PHACTR2: variants seen among roughly 807,000 people sequenced by gnomAD.
PHACTR2 encodes the protein chromosome 6 open reading frame 56.
Under a neutral mutation model 76.0 loss-of-function variants are expected in PHACTR2, and 30 were observed. The ratio of observed to expected loss-of-function variants is 0.39; its 90% CI spans 0.30 to 0.54. PHACTR2 has a LOEUF of 0.54. PHACTR2 is among the 20% of genes least tolerant of loss of function. The pLI is 0.61. For synonymous variants in PHACTR2, 292 were observed against 292.5 expected, an observed-to-expected ratio of 1.00 and a Z score of 0.02; for missense variants, 696 against 781.1, an observed-to-expected ratio of 0.89 and a Z score of 1.30.
intron 2 of PHACTR2, among the ~76,000 whole-genome samples, chr6:143,717,852 A>G (rs968466777): frequency 2.0e-5 from 3 of 152,202 alleles, no homozygotes; most frequent in Non-Finnish European, 2.9e-5. Flanking sequence ...GATTACAGGC[A>G]TGAACCATCA....
chr6:143,769,388 T>A (rs1279219091), intron 6 of PHACTR2, among the ~76,000 whole-genome samples: 2 of 152,126 alleles, frequency 1.3e-5, no homozygotes, highest in African/African-American at 4.8e-5. Flanking sequence ...AAGTCATGAG[T>A]TGATTAATAC....
In PHACTR2 at chr6:143,556,678, T is replaced by G. The variant is rs1775178843; in HGVS notation, c.217+19471T>G. 6.6e-6 allele frequency among the ~76,000 whole-genome samples: 1 copy of G among 152,130 alleles called. No homozygotes were observed. Among genetic ancestry groups the G allele is most frequent in the African/African-American group, 2.4e-5 (1 of 41,416 alleles). ...TGAAGCTTTCAGCTGCTATCAGATTTGAACCTCTCAGCTCACAGGGTGCTA... is the reference window on the plus strand; with the variant it reads ...TGAAGCTTTCAGCTGCTATCAGATTGGAACCTCTCAGCTCACAGGGTGCTA... On this transcript the variant is annotated intron_variant, in intron 1 of 11. Transcript: ENST00000367584. The surrounding 1 kb of genome is among the most constrained non-coding windows in gnomAD (Gnocchi z 4.3).
At chr6:143,717,022 G>A (rs1778319083) in intron 2 of PHACTR2, among the ~76,000 whole-genome samples, 1 of 152,126 alleles carries the variant, frequency 6.6e-6, no homozygotes, top group African/African-American at 2.4e-5. Context: ...AAGTGTGACT[G>A]GGTCTGCATT....
In PHACTR2 at chr6:143,733,643, A is replaced by G. The variant is rs142895785; in HGVS notation, c.215-15342A>G. ...AACAGACTAAATGAATATTTTACCA[A>G]TTTAGTGGGTAGGGTGGGGAGCTAT... On this transcript the variant is annotated intron_variant, in intron 2 of 12. Transcript: ENST00000440869. This position sits in a 1 kb window ranked among gnomAD's most constrained non-coding sequence, Gnocchi z 4.0. Among the ~76,000 whole-genome samples, 785 of 152,270 alleles carry G rather than the reference A, an allele frequency of 5.2e-3. 4 individuals are homozygous for G. The highest frequency in any genetic ancestry group is 7.0e-3 in the Non-Finnish European group (479 of 68,026).
At chr6:143,736,594 A>G (rs1778825878) in intron 2 of PHACTR2, among the ~76,000 whole-genome samples, 1 of 54,820 alleles carries the variant, frequency 1.8e-5, no homozygotes, top group African/African-American at 8.0e-5. Flanking sequence ...TTTTTTTTTG[A>G]GACGGAGCCT....
rs1341012601 is a variant in PHACTR2, at chr6:143,688,624, T to G, written c.46+10415T>G. 1.3e-5 allele frequency among the ~76,000 whole-genome samples: 2 copies of G among 152,198 alleles called. No homozygotes were observed. The highest frequency in any genetic ancestry group is 2.9e-5 in the Non-Finnish European group (2 of 68,020). ...ATTCTAGCCCAAGATCTAGGAGTTA[T>G]TCTTAAGTTTTCCTTTCCCCCTCCA... is the stretch of plus-strand genomic sequence containing the variant. On this transcript the variant is annotated intron_variant, in intron 1 of 12. Transcript: ENST00000440869. The surrounding 1 kb of genome is among the most constrained non-coding windows in gnomAD (Gnocchi z 5.2).
chr6:143,772,513 C>A lies in PHACTR2; in HGVS notation c.1432+56C>A. ...CGTGGGTGATAAGCAGAAGCAGCTG[C>A]AGTTTATAAAGAATAAAAGCCTCAT... On this transcript the variant is annotated intron_variant, in intron 7 of 12. Coordinates refer to ENST00000440869, the MANE Select transcript of PHACTR2 (RefSeq NM_001100164.2). This position sits in a 1 kb window ranked among gnomAD's most constrained non-coding sequence, Gnocchi z 5.4. The A allele has an allele frequency of 7.8e-7, 1 of 1,288,968 alleles. No individual in the cohort carries two copies. Among genetic ancestry groups the A allele is most frequent in the Non-Finnish European group, 1.1e-6 (1 of 901,736 alleles). 79.8% of individuals were successfully genotyped at this position (1,288,968 alleles called of 1,614,324 possible).
chr6:143,792,201 T>G (rs1775706123), intron 11 of PHACTR2, among the ~76,000 whole-genome samples: 1 of 152,244 alleles, frequency 6.6e-6, no homozygotes, highest in African/African-American at 2.4e-5. Context: ...ACTTACCTTA[T>G]TTTTCTGGCC....
chr6:143,638,596 CACA>C (rs1776509926), intron 1 of PHACTR2, among the ~76,000 whole-genome samples: 3 of 150,530 alleles, frequency 2.0e-5, no homozygotes, highest in Non-Finnish European at 4.4e-5. Flanking sequence ...CACACACACA[CACA>C]CCCAGCTATC....
At chr6:143,605,367 G>A (rs1416813490), upstream of PHACTR2, among the ~76,000 whole-genome samples, 1 of 152,190 alleles carries the variant, frequency 6.6e-6, no homozygotes, top group African/African-American at 2.4e-5. This position sits in a 1 kb window ranked among gnomAD's most constrained non-coding sequence, Gnocchi z 5.0. Context: ...CAGCATCTCT[G>A]GGGCCATAGG....
Position 143,807,426 on chromosome 6 carries a change from C to T in PHACTR2, c.1922+293C>T, listed in dbSNP as rs991771480. 3.3e-5 allele frequency among the ~76,000 whole-genome samples: 5 copies of T among 152,170 alleles called. No individual in the cohort carries two copies. Among genetic ancestry groups the T allele is most frequent in the Non-Finnish European group, 7.4e-5 (5 of 68,014 alleles). Reference sequence around the variant, plus strand: ...ATTTCATAATAAACTCAGCTATCTCCTTCAAGAACACTAAAACTAATCATG... The same window carrying T: ...ATTTCATAATAAACTCAGCTATCTCTTTCAAGAACACTAAAACTAATCATG... On this transcript the variant is annotated intron_variant, in intron 12 of 12. Transcript: ENST00000440869. The surrounding 1 kb of genome is among the most constrained non-coding windows in gnomAD (Gnocchi z 5.5).
At position 143,696,270 on chromosome 6, in the gene PHACTR2, C is replaced by T. The variant is rs983135916; in HGVS notation, c.47-15746C>T. Among the ~76,000 whole-genome samples, 11 of 152,110 alleles carry T rather than the reference C, an allele frequency of 7.2e-5. No homozygotes were observed. The highest frequency in any genetic ancestry group is 1.9e-4 in the East Asian group (1 of 5,204). ...CTCCCAGCAATTATCTTGAGACCAACGGAGAATGCAGGTAACTGTTTTGGG... is the reference window on the plus strand; with the variant it reads ...CTCCCAGCAATTATCTTGAGACCAATGGAGAATGCAGGTAACTGTTTTGGG... On this transcript the variant is annotated intron_variant, in intron 1 of 12. Transcript: ENST00000440869. This position sits in a 1 kb window ranked among gnomAD's most constrained non-coding sequence, Gnocchi z 4.1.
At position 143,547,511 on chromosome 6, in the gene PHACTR2, G is replaced by C. The variant is rs1165934799; in HGVS notation, c.217+10304G>C. Among the ~76,000 whole-genome samples, 1 of 152,204 alleles carries C rather than the reference G, an allele frequency of 6.6e-6. No individual in the cohort carries two copies. The highest frequency in any genetic ancestry group is 1.5e-5 in the Non-Finnish European group (1 of 68,050). ...CTAACCAAGCAGATCAGTTGGAACT[G>C]TTAACACAGTGACTGTGAGATCTAG... On this transcript the variant is annotated intron_variant, in intron 1 of 11. Coordinates refer to the PHACTR2 transcript ENST00000367584. The surrounding 1 kb of genome is among the most constrained non-coding windows in gnomAD (Gnocchi z 4.2).
chr6:143,555,383 G>A lies in PHACTR2; in HGVS notation c.217+18176G>A, dbSNP rs370347945. Among the ~76,000 whole-genome samples the A allele has an allele frequency of 2.6e-5, 4 of 152,264 alleles. No homozygotes were observed. The East Asian group carries it at 5.8e-4, about 22-fold the overall frequency. On this transcript the variant is annotated intron_variant, in intron 1 of 11. Transcript: ENST00000367584. ...CTATTGTGGTTGCTGTACAAATTGG[G>A]AGGTGTTACTTGGAGCCAAAAACCT...
chr6:143,638,562 T>TAC (rs1185343202), intron 1 of PHACTR2, among the ~76,000 whole-genome samples: 10 of 98,494 alleles, frequency 1.0e-4, no homozygotes, highest in South Asian at 9.9e-4. Flanking sequence ...AAAAAAGTAT[T>TAC]ACACACACAC....
At chr6:143,798,702 A>G (rs1469935054) in intron 11 of PHACTR2, among the ~76,000 whole-genome samples, 2 of 152,162 alleles carry the variant, frequency 1.3e-5, no homozygotes, top group Non-Finnish European at 2.9e-5. Flanking sequence ...TGATTTGTGT[A>G]TGTTGAACCA....
At chr6:143,808,683 G>A (rs1262104793) in intron 12 of PHACTR2, among the ~76,000 whole-genome samples, 1 of 152,124 alleles carries the variant, frequency 6.6e-6, no homozygotes, top group Non-Finnish European at 1.5e-5. Flanking sequence ...ATCCCCTGCA[G>A]ACACCAAGAG....
intron 1 of PHACTR2, among the ~76,000 whole-genome samples, chr6:143,651,711 G>A (rs745979662): frequency 1.3e-5 from 2 of 152,070 alleles, no homozygotes; most frequent in Admixed American, 6.6e-5. Flanking sequence ...GTGCAGGGAG[G>A]GAGAGCGTCA....
rs1316213752 is a variant in PHACTR2, at chr6:143,564,219, ATATATATATATATATATG to A, written c.217+27016_217+27033del. On this transcript the variant is annotated intron_variant, in intron 1 of 11. Transcript: ENST00000367584. The stretch of plus-strand genomic sequence containing the variant: ...TGCATATATATATATATATATATAT[ATATATATATATATATATG>A]TATGCCACTGCACTCTAACCTTGGC... Among the ~76,000 whole-genome samples the A allele has an allele frequency of 9.9e-3, 1,167 of 118,428 alleles. 76 individuals carry two copies. The highest frequency in any genetic ancestry group is 0.033 in the African/African-American group (1,082 of 32,474). 77.7% of individuals were successfully genotyped at this position (118,428 alleles called of 152,430 possible).
Sources: gnomAD v4.1 joint callset for allele counts (sites outside exome capture counted in the v4.1 genomes callset) on GRCh38, gnomAD v4.1.1 for gene constraint, Gnocchi (gnomAD v3.1) non-coding constraint, MANE v1.5 for transcripts, NCBI Gene and HGNC (gene_info 2026-07-23, HGNC 2026-07-21) for gene names.